Variants in USP54 observed in about 807,000 individuals in gnomAD.
USP54 encodes the protein ubiquitin carboxyl-terminal hydrolase 54.
In USP54, 87 loss-of-function variants were observed where a neutral mutation model predicts 170.5. The ratio of observed to expected loss-of-function variants is 0.51; its 90% CI spans 0.43 to 0.61. The LOEUF is 0.61. USP54 is among the 20% of genes least tolerant of loss of function. The pLI is 0.00. For missense variants in USP54, 1,786 were observed against 2,047.8 expected, an observed-to-expected ratio of 0.87 and a Z score of 2.47; for synonymous variants, 655 against 742.8, an observed-to-expected ratio of 0.88 and a Z score of 1.92.
intron 16 of USP54, among the ~76,000 whole-genome samples, chr10:73,525,166 T>C (rs982649372): frequency 6.6e-6 from 1 of 152,210 alleles, no homozygotes; most frequent in African/African-American, 2.4e-5. Context: ...TATGTACTTG[T>C]GTAAGCATAG....
chr10:73,609,967 G>A (rs542755988), intron 1 of USP54, among the ~76,000 whole-genome samples: 92 of 142,810 alleles, frequency 6.4e-4, no homozygotes, highest in Middle Eastern at 4.1e-3. Flanking sequence ...CCAAAATCAC[G>A]CCACTGCACT....
At chr10:73,606,823 G>T (rs2079672080) in intron 1 of USP54, among the ~76,000 whole-genome samples, 1 of 148,182 alleles carries the variant, frequency 6.7e-6, no homozygotes, top group Non-Finnish European at 1.5e-5. Context: ...AGGTTGCAGT[G>T]AGCCAAGATC....
intron 14 of USP54, 28 bp from the exon 15 acceptor site, chr10:73,529,939 A>C: frequency 6.6e-7 from 1 of 1,518,636 alleles, no homozygotes; most frequent in Non-Finnish European, 8.8e-7. Context: ...CAGGTATGGA[A>C]AATGAGGTAG....
chr10:73,535,427 GAGAA>G (rs956623076), intron 11 of USP54, among the ~76,000 whole-genome samples: 2 of 152,014 alleles, frequency 1.3e-5, no homozygotes, highest in East Asian at 1.9e-4. Context: ...GTACAAAGGG[GAGAA>G]AGAAAGACGT....
At chr10:73,545,507 A>G (rs763679202) in intron 5 of USP54, 31 bp downstream of exon 5, 25 of 1,612,800 alleles carry the variant, frequency 1.6e-5, no homozygotes, top group Non-Finnish European at 2.1e-5. Flanking sequence ...GTCCCACCCC[A>G]TATCAAAGAG....
At chr10:73,583,249 G>C (rs1387094070) in intron 1 of USP54, among the ~76,000 whole-genome samples, 2 of 152,158 alleles carry the variant, frequency 1.3e-5, no homozygotes, top group Non-Finnish European at 2.9e-5. Flanking sequence ...GAACAATGCA[G>C]CTTGTGCAAG....
Position 73,517,291 on chromosome 10 carries a change from A to G in USP54, c.3135T>C (p.Ser1045=). 1.2e-6 allele frequency: 2 copies of G among 1,613,260 alleles called. No individual in the cohort carries two copies. The highest frequency in any genetic ancestry group is 1.7e-6 in the Non-Finnish European group (2 of 1,179,548). The stretch of plus-strand genomic sequence containing the variant: ...CTAGGCTGTGTTCATCACCCCTCTC[A>G]GAGGTGGCTATTCCAGGCATCACCG... ...PSPVMPGIAT[S]ERGDEHSLGC... The change falls in exon 20 of 24, where the codon TCT becomes TCC. Residue 1045 remains serine, a synonymous_variant. Transcript: ENST00000687698.
intron 4 of USP54, among the ~76,000 whole-genome samples, chr10:73,552,700 A>T (rs2069798093): frequency 6.6e-6 from 1 of 152,176 alleles, no homozygotes; most frequent in Admixed American, 6.5e-5. Flanking sequence ...CTGAAGCAGG[A>T]GAATTGCTTG....
chr10:73,605,947 G>C (rs1262547432), intron 1 of USP54, among the ~76,000 whole-genome samples: 1 of 151,954 alleles, frequency 6.6e-6, no homozygotes, highest in African/African-American at 2.4e-5. Context: ...GGAGGCCAAG[G>C]CGGGTGGATC....
At chr10:73,623,130 C>T (rs2081223432) in intron 1 of USP54, among the ~76,000 whole-genome samples, 1 of 152,138 alleles carries the variant, frequency 6.6e-6, no homozygotes, top group Admixed American at 6.5e-5. Flanking sequence ...GTAATCCCAG[C>T]GCTTTGGGAA....
At chr10:73,589,665 A>G (rs114525383) in intron 1 of USP54, among the ~76,000 whole-genome samples, 30 of 152,290 alleles carry the variant, frequency 2.0e-4, no homozygotes, top group African/African-American at 7.2e-4. Context: ...TGCTATCAAC[A>G]AGAGGAAAAA....
intron 4 of USP54, among the ~76,000 whole-genome samples, chr10:73,555,706 A>G (rs1279552805): frequency 6.6e-6 from 1 of 152,234 alleles, no homozygotes. Context: ...CAGTATTCAA[A>G]TCAAATTTTG....
rs183043112 is a variant in USP54, at chr10:73,540,329, T to C, written c.826-736A>G. 5.8e-3 allele frequency among the ~76,000 whole-genome samples: 863 copies of C among 149,492 alleles called. 31 individuals are homozygous for C. Among genetic ancestry groups the C allele is most frequent in the Admixed American group, 0.049 (731 of 15,022 alleles). ...CTCACGCCTGTAATCCCAGCACTTT[T>C]GGAGGGGGAGGCAGGCAGATCACGA... On this transcript the variant is annotated intron_variant, in intron 9 of 23. Coordinates refer to ENST00000687698, the MANE Select transcript of USP54 (RefSeq NM_001391956.1).
At chr10:73,624,307 C>T (rs1451438372) in intron 1 of USP54, 1 of 148,702 alleles carries the variant, frequency 6.7e-6, no homozygotes, top group Non-Finnish European at 1.5e-5. Context: ...AAGCGATTCT[C>T]CTGCCTCAGC....
At position 73,505,337 on chromosome 10, in the gene USP54, G is replaced by A. The variant is rs143942186; in HGVS notation, c.4141C>T (p.His1381Tyr). The change falls in exon 21 of 24, where the codon CAT (histidine) becomes TAT (tyrosine). Residue 1381 changes from histidine (H) to tyrosine (Y), a missense_variant. Transcript: ENST00000687698. The stretch of plus-strand genomic sequence containing the variant: ...GAAGTACGCACTGTTCTGGCTTCAT[G>A]GAGACCATGCTCCATTTCTGCTGTT... ...TSTAEMEHGL[H>Y]EARTVRTSQA... 247 of 1,614,110 alleles carry A rather than the reference G, an allele frequency of 1.5e-4. No individual in the cohort carries two copies. The African/African-American group carries it at 3.1e-3, about 20-fold the overall frequency.
At chr10:73,602,492 G>C (rs899291962) in intron 1 of USP54, among the ~76,000 whole-genome samples, 5 of 151,526 alleles carry the variant, frequency 3.3e-5, no homozygotes, top group South Asian at 2.1e-4. Context: ...GGCAGAGCTT[G>C]CAGTAAGCTG....
At chr10:73,512,834 C>G (rs921746559) in intron 20 of USP54, among the ~76,000 whole-genome samples, 1 of 152,042 alleles carries the variant, frequency 6.6e-6, no homozygotes, top group Non-Finnish European at 1.5e-5. Context: ...AGCTAACTGG[C>G]CAGTATGTAT....
intron 10 of USP54, among the ~76,000 whole-genome samples, chr10:73,537,251 TA>T (rs2065421608): frequency 1.3e-5 from 2 of 152,228 alleles, no homozygotes; most frequent in Non-Finnish European, 2.9e-5. Context: ...TACTACTTTG[TA>T]AGGGTATTTT....
At chr10:73,510,451 CTT>C (rs200970566) in intron 20 of USP54, among the ~76,000 whole-genome samples, 23 of 139,518 alleles carry the variant, frequency 1.6e-4, no homozygotes, top group Non-Finnish European at 1.4e-4. Flanking sequence ...AACATTTATT[CTT>C]TTTTTTTTTT....
Sources: allele counts gnomAD v4.1 joint callset (sites outside exome capture counted in the v4.1 genomes callset), GRCh38; gene constraint gnomAD v4.1.1; transcripts MANE v1.5; gene names NCBI Gene and HGNC (gene_info 2026-07-23, HGNC 2026-07-21).